Variants in DOCK3 observed in about 807,000 individuals in gnomAD.
The protein encoded by DOCK3 is dedicator of cytokinesis 3, also known as dedicator of cytokinesis protein 3.
DOCK3 carries 60 observed loss-of-function variants against 265.6 expected under a neutral mutation model. The observed-to-expected ratio is 0.23, with a 90% CI of 0.18 to 0.28. The LOEUF (loss-of-function observed/expected upper bound fraction) is 0.28. Ranked by LOEUF, DOCK3 falls within the 10% of genes least tolerant of loss-of-function variation. The pLI is 1.00. For missense variants in DOCK3, 1,981 were observed against 2,594.3 expected, an observed-to-expected ratio of 0.76 and a Z score of 5.14; for synonymous variants, 881 against 938.0, an observed-to-expected ratio of 0.94 and a Z score of 1.11.
intron 1 of DOCK3, among the ~76,000 whole-genome samples, chr3:50,736,474 GCA>G (rs2038625166): frequency 6.6e-6 from 1 of 152,080 alleles, no homozygotes; most frequent in South Asian, 2.1e-4. Context: ...AGGAATCGCC[GCA>G]CTGTCTTCCA....
intron 2 of DOCK3, among the ~76,000 whole-genome samples, chr3:50,817,476 T>A (rs1045232076): frequency 1.3e-4 from 19 of 151,998 alleles, no homozygotes; most frequent in Non-Finnish European, 1.6e-4. Context: ...TTTTTTTTTT[T>A]ATAGAGACAG....
chr3:50,798,977 T>C (rs895872850), intron 2 of DOCK3, among the ~76,000 whole-genome samples: 23 of 152,158 alleles, frequency 1.5e-4, no homozygotes, highest in Non-Finnish European at 2.9e-5. Context: ...ATTGAAAAAA[T>C]GGTCCTTTTG....
At chr3:51,140,803 C>T (rs993388878) in intron 9 of DOCK3, among the ~76,000 whole-genome samples, 13 of 152,062 alleles carry the variant, frequency 8.5e-5, no homozygotes, top group African/African-American at 2.7e-4. Context: ...AGAGGTGTGA[C>T]GTGGTACCCT....
At chr3:50,782,286 G>C (rs1576418347) in intron 2 of DOCK3, among the ~76,000 whole-genome samples, 1 of 44,804 alleles carries the variant, frequency 2.2e-5, no homozygotes, top group South Asian at 1.2e-3. Context: ...ACCAGTACCT[G>C]TTATTTTTTT....
intron 2 of DOCK3, among the ~76,000 whole-genome samples, chr3:50,821,140 CTTT>C (rs771111717): frequency 4.2e-5 from 5 of 119,464 alleles, no homozygotes; most frequent in Non-Finnish European, 7.0e-5. Flanking sequence ...TTTCTTTTTT[CTTT>C]TTTTTTTTTT....
intron 2 of DOCK3, among the ~76,000 whole-genome samples, chr3:50,833,302 AT>A (rs931320285): frequency 1.6e-4 from 25 of 152,202 alleles, no homozygotes; most frequent in Admixed American, 1.5e-3. Context: ...CTTGAAACAT[AT>A]TTTTTTCTCT....
chr3:51,354,326 G>A (rs540119840), intron 40 of DOCK3, among the ~76,000 whole-genome samples: 1 of 151,220 alleles, frequency 6.6e-6, no homozygotes, highest in African/African-American at 2.4e-5. Flanking sequence ...GATTAACCCT[G>A]TCCCGGGAAG....
At chr3:51,246,126 A>T (rs1249223799) in intron 21 of DOCK3, among the ~76,000 whole-genome samples, 1 of 152,238 alleles carries the variant, frequency 6.6e-6, no homozygotes, top group South Asian at 2.1e-4. Context: ...GGGACTGCAT[A>T]CTTTTATTCA....
chr3:51,236,578 C>T, intron 20 of DOCK3, 150 bp downstream of exon 20: 2 of 695,732 alleles, frequency 2.9e-6, no homozygotes, highest in Non-Finnish European at 4.8e-6. Flanking sequence ...CCAAGGAAGA[C>T]CAAGCAACCA....
intron 48 of DOCK3, 134 bp from the exon 49 acceptor site, chr3:51,362,393 C>A: frequency 8.4e-7 from 1 of 1,195,618 alleles, no homozygotes; most frequent in Non-Finnish European, 1.2e-6. Flanking sequence ...ATTAGCCTGG[C>A]CTCCATCAGG....
At chr3:51,221,700 G>A (rs2090106561) in intron 14 of DOCK3, among the ~76,000 whole-genome samples, 1 of 152,088 alleles carries the variant, frequency 6.6e-6, no homozygotes, top group Non-Finnish European at 1.5e-5. Context: ...TGTCACCCAG[G>A]CACTAAGCAC....
At chr3:51,277,777 T>A in intron 26 of DOCK3, 23 bp downstream of exon 26, 1 of 1,600,708 alleles carries the variant, frequency 6.2e-7, no homozygotes, top group Admixed American at 1.7e-5. Flanking sequence ...CATCCAGGTT[T>A]TCTTGCCTTC....
At chr3:51,283,120 A>T (rs967018753) in intron 27 of DOCK3, among the ~76,000 whole-genome samples, 2 of 152,210 alleles carry the variant, frequency 1.3e-5, no homozygotes, top group Non-Finnish European at 1.5e-5. Flanking sequence ...CCAAATAAAC[A>T]TCTATTCATG....
At chr3:50,921,593 C>G (rs544579265) in intron 4 of DOCK3, among the ~76,000 whole-genome samples, 1 of 152,296 alleles carries the variant, frequency 6.6e-6, no homozygotes, top group South Asian at 2.1e-4. Context: ...TGTTCCGTTG[C>G]TAGCGAGGAG....
At chr3:51,369,713 T>A (rs2087534157) in intron 49 of DOCK3, among the ~76,000 whole-genome samples, 1 of 151,430 alleles carries the variant, frequency 6.6e-6, no homozygotes, top group South Asian at 2.1e-4. Flanking sequence ...GTGACTGCTG[T>A]ATGGCACAGT....
intron 19 of DOCK3, among the ~76,000 whole-genome samples, chr3:51,232,862 C>T (rs1264574681): frequency 6.6e-6 from 1 of 152,086 alleles, no homozygotes; most frequent in Non-Finnish European, 1.5e-5. Context: ...TTGCTGCTAG[C>T]ACCATTTATT....
rs1484105133 is a variant in DOCK3 at position 50,875,858 on chromosome 3, A to T, written c.163-14168A>T. ...TCTCTTCCTCTTTAATTTTTGAATT[A>T]AAAAAAAAAAAACAACTGTTGTGTT... On this transcript the variant is annotated intron_variant, in intron 3 of 52. Transcript: ENST00000266037. Among the ~76,000 whole-genome samples the T allele has an allele frequency of 7.4e-5, 7 of 94,626 alleles. No individual in the cohort carries two copies. The East Asian group carries it at 3.2e-3, about 43-fold the overall frequency. 62.1% of individuals were successfully genotyped at this position (94,626 alleles called of 152,430 possible).
chr3:50,983,174 CAG>C (rs2077760556), intron 5 of DOCK3, among the ~76,000 whole-genome samples: 1 of 152,164 alleles, frequency 6.6e-6, no homozygotes, highest in East Asian at 1.9e-4. Flanking sequence ...TTTGGGTACA[CAG>C]GGGGTAGGGA....
chr3:51,144,426 C>T (rs1283703953), intron 9 of DOCK3, among the ~76,000 whole-genome samples: 1 of 152,194 alleles, frequency 6.6e-6, no homozygotes, highest in Non-Finnish European at 1.5e-5. Context: ...CCTCCTCTTT[C>T]AGACACTTTC....
Sources: gnomAD v4.1 joint callset for allele counts (sites outside exome capture counted in the v4.1 genomes callset) on GRCh38, gnomAD v4.1.1 for gene constraint, MANE v1.5 for transcripts, NCBI Gene and HGNC (gene_info 2026-07-23, HGNC 2026-07-21) for gene names.